RTP2: variants seen among roughly 807,000 people sequenced by gnomAD.
RTP2 encodes the protein receptor-transporting protein 2.
A neutral mutation model predicts 17.9 loss-of-function variants in RTP2; 12 were observed. The ratio of observed to expected loss-of-function variants is 0.67; its 90% CI spans 0.43 to 1.09. The LOEUF (loss-of-function observed/expected upper bound fraction) is 1.09. Ranked by LOEUF, RTP2 falls within the 50% of genes least tolerant of loss-of-function variation. The pLI, the probability that RTP2 is intolerant of heterozygous loss-of-function variation, is 0.00. For synonymous variants in RTP2, 126 were observed against 117.7 expected, an observed-to-expected ratio of 1.07 and a Z score of -0.46; for missense variants, 327 against 295.7, an observed-to-expected ratio of 1.11 and a Z score of -0.78.
At chr3:187,711,891 T>C in the RTP2 span, among the ~76,000 whole-genome samples, 2 of 152,222 alleles carry the variant, frequency 1.3e-5, no homozygotes, top group African/African-American at 4.8e-5. Context: ...TAATATTATT[T>C]TTCTACTTAT....
the RTP2 span, among the ~76,000 whole-genome samples, chr3:187,715,436 CAGATA>C: frequency 3.3e-5 from 5 of 151,864 alleles, no homozygotes; most frequent in South Asian, 1.0e-3. Context: ...AAGAAGTAAT[CAGATA>C]CATGAATGTA....
exon 1 of RTP2, chr3:187,702,245 G>T: frequency 9.9e-7 from 1 of 1,013,006 alleles, no homozygotes. Flanking sequence ...GCAGGACTGG[G>T]AGTAAACAGG....
the RTP2 span, among the ~76,000 whole-genome samples, chr3:187,712,936 A>G: frequency 6.6e-6 from 1 of 152,200 alleles, no homozygotes; most frequent in African/African-American, 2.4e-5. Flanking sequence ...CAAGGCCAGT[A>G]GCTGGTCAAC....
chr3:187,708,824 A>T, the RTP2 span, among the ~76,000 whole-genome samples: 3 of 152,170 alleles, frequency 2.0e-5, no homozygotes, highest in Non-Finnish European at 4.4e-5. Context: ...CATAAGAGGA[A>T]ACTGGGACTC....
chr3:187,698,705 G>A (rs747204997), exon 2 of RTP2: 2 of 1,614,100 alleles, frequency 1.2e-6, no homozygotes, highest in East Asian at 4.5e-5. Context: ...CCTCCTGGCA[G>A]GCCTCACAGA....
intron 1 of RTP2, 147 bp downstream of exon 1, chr3:187,701,818 C>T (rs1579783026): frequency 1.5e-6 from 1 of 675,734 alleles, no homozygotes; most frequent in East Asian, 2.8e-5. Context: ...CAAGAACTCT[C>T]TGACCCAGCC....
At chr3:187,707,705 G>A in the RTP2 span, among the ~76,000 whole-genome samples, 1 of 152,176 alleles carries the variant, frequency 6.6e-6, no homozygotes, top group Admixed American at 6.5e-5. Flanking sequence ...TTACTAAATC[G>A]TTTTAGGCCT....
chr3:187,702,071 C>T (rs1397607760), exon 1 of RTP2: 2 of 1,613,664 alleles, frequency 1.2e-6, no homozygotes, highest in East Asian at 4.5e-5. Context: ...GGCTTTGCCA[C>T]CTCCATCTTC....
chr3:187,712,645 T>TA, the RTP2 span, among the ~76,000 whole-genome samples: 1 of 152,172 alleles, frequency 6.6e-6, no homozygotes, highest in Non-Finnish European at 1.5e-5. Context: ...AAGAAAACTC[T>TA]AAGTCCTGAG....
exon 1 of RTP2, chr3:187,701,985 C>T: frequency 6.2e-7 from 1 of 1,608,132 alleles, no homozygotes; most frequent in South Asian, 1.1e-5. Context: ...CGTGCTGCTC[C>T]AGGTACTGCT....
exon 2 of RTP2, chr3:187,698,336 A>G (rs1717739840): frequency 3.3e-6 from 2 of 614,916 alleles, no homozygotes; most frequent in Non-Finnish European, 5.6e-6. Flanking sequence ...ATCATTGCCT[A>G]TCTTCTAATG....
exon 2 of RTP2, chr3:187,698,457 T>C (rs1320870745): frequency 6.5e-7 from 1 of 1,538,486 alleles, no homozygotes; most frequent in Non-Finnish European, 8.8e-7. Flanking sequence ...TCCTCCCCAC[T>C]CTCAAGCCCA....
chr3:187,701,882 T>A lies in RTP2; in HGVS notation c.164+83A>T. 6 of 1,003,038 alleles carry A rather than the reference T, an allele frequency of 6.0e-6. No individual in the cohort carries two copies. The South Asian group carries it at 1.4e-4, about 23-fold the overall frequency. 62.1% of individuals were successfully genotyped at this position (1,003,038 alleles called of 1,614,324 possible). A position where few individuals can be genotyped will look rare whatever the true frequency, so the allele number is the denominator to read the frequency against. ...GCTGACACCAGAATAAGCCCGCGACTGGGCTCTGTCTCTCCTTGGAAAGTA... is the reference window on the plus strand; with the variant it reads ...GCTGACACCAGAATAAGCCCGCGACAGGGCTCTGTCTCTCCTTGGAAAGTA... On this transcript the variant is annotated intron_variant, in intron 1 of 1. Coordinates refer to ENST00000358241, the Ensembl canonical transcript of RTP2.
chr3:187,709,405 T>C, the RTP2 span, among the ~76,000 whole-genome samples: 1 of 152,154 alleles, frequency 6.6e-6, no homozygotes, highest in South Asian at 2.1e-4. Context: ...TTTATTAAAA[T>C]ACTGTCTCTG....
At chr3:187,703,832 G>C (rs1444135323), upstream of RTP2, among the ~76,000 whole-genome samples, 2 of 152,166 alleles carry the variant, frequency 1.3e-5, no homozygotes, top group Non-Finnish European at 2.9e-5. Context: ...GATGAGAATT[G>C]TCAGGGTTTA....
At chr3:187,700,609 C>T (rs986002470) in intron 1 of RTP2, among the ~76,000 whole-genome samples, 7 of 152,240 alleles carry the variant, frequency 4.6e-5, no homozygotes, top group African/African-American at 1.4e-4. Context: ...TCCTTCTACA[C>T]CTTTTTACAT....
upstream of RTP2, among the ~76,000 whole-genome samples, chr3:187,706,379 A>G (rs985447272): frequency 1.1e-4 from 17 of 152,244 alleles, no homozygotes; most frequent in Non-Finnish European, 1.5e-5. Context: ...CATTTCTTGC[A>G]AAGTCCCAAG....
At chr3:187,706,840 A>G (rs1156953796), upstream of RTP2, among the ~76,000 whole-genome samples, 2 of 152,082 alleles carry the variant, frequency 1.3e-5, no homozygotes, top group Non-Finnish European at 2.9e-5. Context: ...TGACGTCGTG[A>G]TCCACCCACG....
exon 1 of RTP2, chr3:187,702,329 G>T: frequency 1.7e-6 from 1 of 596,922 alleles, no homozygotes; most frequent in Admixed American, 2.8e-5. Context: ...GTGAGGGCTG[G>T]GGAGAAGGGA....
Sources: gnomAD v4.1 joint callset for allele counts (sites outside exome capture counted in the v4.1 genomes callset) on GRCh38, gnomAD v4.1.1 for gene constraint, MANE v1.5 for transcripts, NCBI Gene and HGNC (gene_info 2026-07-23, HGNC 2026-07-21) for gene names.